ARSG: variants seen among roughly 807,000 people sequenced by gnomAD.
ARSG encodes the protein arylsulfatase G, also known as ASG.
In ARSG, 37 loss-of-function variants were observed where a neutral mutation model predicts 50.5. That is an observed-to-expected ratio of 0.73 (90% CI 0.56 to 0.96). The LOEUF (loss-of-function observed/expected upper bound fraction) is 0.96. Among genes scored for constraint, ARSG ranks in the 50% least tolerant of loss-of-function variants. The probability of loss-of-function intolerance (pLI) is 0.00; values close to 1 mark genes in which losing one functional copy is unlikely to be tolerated. For synonymous variants in ARSG, 225 were observed against 254.6 expected (o/e 0.88, Z 1.11); for missense variants, 629 against 675.3 (o/e 0.93, Z 0.76).
At chr17:68,262,974 C>T (rs1164230706) in intron 1 of ARSG, among the ~76,000 whole-genome samples, 3 of 152,118 alleles carry the variant, frequency 2.0e-5, no homozygotes, top group African/African-American at 7.2e-5. Flanking sequence ...TGGTTGAATT[C>T]TAGGGTGTAT....
At chr17:68,366,850 A>AT (rs981064427) in intron 6 of ARSG, among the ~76,000 whole-genome samples, 8 of 152,008 alleles carry the variant, frequency 5.3e-5, no homozygotes, top group African/African-American at 1.9e-4. Context: ...GAACTGTTTC[A>AT]TTTTTTCTAA....
At chr17:68,274,723 T>C (rs2075455135) in intron 1 of ARSG, among the ~76,000 whole-genome samples, 1 of 152,194 alleles carries the variant, frequency 6.6e-6, no homozygotes, top group Non-Finnish European at 1.5e-5. Flanking sequence ...TTTTCTCTAC[T>C]CACTACTTTG....
At chr17:68,376,280 T>TTTTTTTTTTTTTTTTTTTTTTTTTTG (rs2080146235) in intron 8 of ARSG, among the ~76,000 whole-genome samples, 1 of 148,096 alleles carries the variant, frequency 6.8e-6, no homozygotes, top group African/African-American at 2.5e-5. Context: ...CCCCTGCATT[T>TTTTTTTTTTTTTTTTTTTTTTTTTTG]TTTTTTTTTT....
intron 8 of ARSG, among the ~76,000 whole-genome samples, chr17:68,373,041 G>A (rs1482012775): frequency 3.3e-5 from 5 of 150,646 alleles, no homozygotes; most frequent in Admixed American, 3.3e-4. Flanking sequence ...ACAGGTGTGT[G>A]CCACCACGCT....
chr17:68,354,063 T>C (rs1300428115), intron 5 of ARSG, among the ~76,000 whole-genome samples: 2 of 150,968 alleles, frequency 1.3e-5, no homozygotes, highest in African/African-American at 2.4e-5. Context: ...TCCTTCTGTA[T>C]TTTTTTATTT....
At position 68,309,897 on chromosome 17, in the gene ARSG, G is replaced by T. The variant is rs782404543; in HGVS notation, c.218+2186G>T. ...TAAAATAAAAAAGTAAATAAATAAA[G>T]AAAGAAAGGGAAATAAGAATTATAA... On this transcript the variant is annotated intron_variant, in intron 2 of 11. Transcript: ENST00000621439. 7.2e-4 allele frequency among the ~76,000 whole-genome samples: 105 copies of T among 146,062 alleles called. 1 individual carries two copies. The highest frequency in any genetic ancestry group is 1.1e-3 in the Non-Finnish European group (73 of 67,740).
intron 5 of ARSG, among the ~76,000 whole-genome samples, chr17:68,355,049 C>T (rs2075919482): frequency 6.6e-6 from 1 of 152,154 alleles, no homozygotes; most frequent in South Asian, 2.1e-4. Flanking sequence ...CATTCATTAC[C>T]ACCTCTGTCT....
Position 68,271,120 on chromosome 17 carries a change from G to A in ARSG, c.-552+11694G>A. 2 of 1,614,170 alleles carry A rather than the reference G, an allele frequency of 1.2e-6. No homozygotes were observed. Among genetic ancestry groups the A allele is most frequent in the Non-Finnish European group, 1.7e-6 (2 of 1,180,044 alleles). ...GGGCTCCCTGTTGAGGACAAAACCA[G>A]CTCCGATCCTTCCGAAAACTTCTGC... On this transcript the variant is annotated intron_variant, in intron 1 of 11. Transcript: ENST00000448504. The surrounding 1 kb of genome is among the most constrained non-coding windows in gnomAD (Gnocchi z 5.3).
the ARSG span, among the ~76,000 whole-genome samples, chr17:68,451,744 T>C: frequency 6.6e-6 from 1 of 152,178 alleles, no homozygotes; most frequent in Non-Finnish European, 1.5e-5. Flanking sequence ...CTTGCTGTGC[T>C]CCCTGGATCT....
intron 1 of ARSG, among the ~76,000 whole-genome samples, chr17:68,303,531 C>A (rs1555762759): frequency 6.6e-6 from 1 of 152,132 alleles, no homozygotes; most frequent in East Asian, 1.9e-4. Context: ...TCACTGCAAC[C>A]CCCGCCTCCC....
intron 9 of ARSG, among the ~76,000 whole-genome samples, chr17:68,387,147 GAGAC>G (rs1184916509): frequency 6.6e-6 from 1 of 151,610 alleles, no homozygotes; most frequent in Non-Finnish European, 1.5e-5. Flanking sequence ...ATTTTGTTAA[GAGAC>G]AGGGCATCAC....
chr17:68,392,244 C>T (rs528349182), intron 9 of ARSG, among the ~76,000 whole-genome samples: 3 of 152,330 alleles, frequency 2.0e-5, no homozygotes, highest in South Asian at 2.1e-4. Context: ...ATCATATAAA[C>T]GGCTCTGTTG....
intron 1 of ARSG, among the ~76,000 whole-genome samples, chr17:68,300,278 G>A (rs1555761248): frequency 6.6e-6 from 1 of 152,174 alleles, no homozygotes; most frequent in Non-Finnish European, 1.5e-5. Flanking sequence ...CAGCATATGT[G>A]GAGAGGGAGG....
chr17:68,304,223 T>C (rs1390072908), intron 1 of ARSG, among the ~76,000 whole-genome samples: 1 of 152,262 alleles, frequency 6.6e-6, no homozygotes, highest in Non-Finnish European at 1.5e-5. Flanking sequence ...GCCAGTAGAA[T>C]GATCTCGGAA....
intron 1 of ARSG, among the ~76,000 whole-genome samples, chr17:68,270,055 A>G (rs1191785463): frequency 5.3e-5 from 8 of 152,176 alleles, no homozygotes; most frequent in Non-Finnish European, 1.0e-4. Flanking sequence ...GATATGAAAC[A>G]TACCTATGTC....
chr17:68,316,644 C>G (rs2077080269), intron 2 of ARSG, among the ~76,000 whole-genome samples: 1 of 152,182 alleles, frequency 6.6e-6, no homozygotes, highest in Non-Finnish European at 1.5e-5. Flanking sequence ...GTATGCTTAT[C>G]TCTGCAATGG....
At chr17:68,424,813 G>GACC (rs2083050700), downstream of ARSG, among the ~76,000 whole-genome samples, 1 of 151,822 alleles carries the variant, frequency 6.6e-6, no homozygotes, top group African/African-American at 2.4e-5. Flanking sequence ...GGAGGCAGAG[G>GACC]CTGCAGCGAG....
intron 5 of ARSG, among the ~76,000 whole-genome samples, chr17:68,355,833 C>G (rs2079010109): frequency 1.3e-5 from 2 of 151,558 alleles, no homozygotes; most frequent in African/African-American, 4.9e-5. Context: ...ATTCTGCAAA[C>G]ATGGCTTAAA....
At chr17:68,364,739 T>C (rs984364475) in intron 6 of ARSG, among the ~76,000 whole-genome samples, 3 of 152,184 alleles carry the variant, frequency 2.0e-5, no homozygotes, top group African/African-American at 7.2e-5. Context: ...TAAGGTATAG[T>C]TGAAATGAAT....
Sources: gnomAD v4.1 joint callset for allele counts (sites outside exome capture counted in the v4.1 genomes callset) on GRCh38, gnomAD v4.1.1 for gene constraint, Gnocchi (gnomAD v3.1) non-coding constraint, MANE v1.5 for transcripts, NCBI Gene and HGNC (gene_info 2026-07-23, HGNC 2026-07-21) for gene names.